Variants in DLC1 observed in about 807,000 individuals in gnomAD.
DLC1 encodes rho GTPase-activating protein 7.
In DLC1, 54 loss-of-function variants were observed where a neutral mutation model predicts 140.3. That is an observed-to-expected ratio of 0.38 (90% confidence interval 0.31 to 0.48). The LOEUF is 0.48. Ranked by LOEUF, DLC1 falls within the 20% of genes least tolerant of loss-of-function variation. DLC1 has a pLI of 0.96. For missense variants in DLC1, 2,536 were observed against 1,907.0 expected, an observed-to-expected ratio of 1.33 and a Z score of -6.14; for synonymous variants, 986 against 728.1, an observed-to-expected ratio of 1.35 and a Z score of -5.70.
intron 1 of DLC1, among the ~76,000 whole-genome samples, chr8:13,587,706 C>G (rs77631817): frequency 6.7e-6 from 1 of 150,044 alleles, no homozygotes; most frequent in African/African-American, 2.4e-5. Flanking sequence ...TTCTGTTTAC[C>G]TGGGAAGTAA....
intron 5 of DLC1, among the ~76,000 whole-genome samples, chr8:13,164,644 C>G (rs1210602990): frequency 1.3e-5 from 2 of 152,126 alleles, no homozygotes; most frequent in Admixed American, 1.3e-4. Flanking sequence ...AACTTCACCC[C>G]TCTGGAGGTA....
At chr8:13,144,452 G>A (rs1295630657) in intron 5 of DLC1, among the ~76,000 whole-genome samples, 2 of 152,120 alleles carry the variant, frequency 1.3e-5, no homozygotes. Context: ...CCGTAATCAC[G>A]TGAGACAATT....
intron 1 of DLC1, among the ~76,000 whole-genome samples, chr8:13,551,075 C>CACACACT (rs71207163): frequency 0.01 from 1,268 of 121,656 alleles, 10 homozygotes; most frequent in African/African-American, 0.018. Context: ...CACACACACA[C>CACACACT]TTTTTTTTTT....
At chr8:13,527,862 C>T (rs1802969174) in intron 1 of DLC1, among the ~76,000 whole-genome samples, 1 of 152,068 alleles carries the variant, frequency 6.6e-6, no homozygotes, top group South Asian at 2.1e-4. Flanking sequence ...ACTAAGCAAA[C>T]TTATATTTTC....
At chr8:13,491,069 A>G (rs1801215000) in intron 2 of DLC1, among the ~76,000 whole-genome samples, 1 of 147,928 alleles carries the variant, frequency 6.8e-6, no homozygotes. Context: ...AGGGCAATTA[A>G]ATCTGAATAT....
In DLC1 at chr8:13,086,263, TATAAAAAAATCAG is replaced by T. The variant is rs1404820845; in HGVS notation, c.4466+14_4466+26del. 6.2e-7 allele frequency: 1 copy of T among 1,602,538 alleles called. No individual in the cohort carries two copies. Among genetic ancestry groups the T allele is most frequent in the East Asian group, 2.2e-5 (1 of 44,686 alleles). ...AGAATTTCCTTCATGACCCTCACCA[TATAAAAAAATCAG>T]AATCAGAACATACCTTAAGTCAACT... On this transcript the variant is annotated intron_variant, in intron 17 of 17. Coordinates refer to ENST00000276297, the MANE Select transcript of DLC1 (RefSeq NM_182643.3).
intron 5 of DLC1, among the ~76,000 whole-genome samples, chr8:13,118,631 C>T (rs147769222): frequency 6.6e-6 from 1 of 152,326 alleles, no homozygotes; most frequent in African/African-American, 2.4e-5. Flanking sequence ...CTCACGCCTA[C>T]ACTTTCCAAT....
At chr8:13,167,099 G>A (rs765843022) in intron 5 of DLC1, among the ~76,000 whole-genome samples, 1 of 152,214 alleles carries the variant, frequency 6.6e-6, no homozygotes, top group Non-Finnish European at 1.5e-5. Flanking sequence ...GCTGAACTAC[G>A]CAACTAGAGG....
intron 4 of DLC1, among the ~76,000 whole-genome samples, chr8:13,367,759 G>A (rs1030581452): frequency 6.6e-6 from 1 of 152,116 alleles, no homozygotes; most frequent in Non-Finnish European, 1.5e-5. Flanking sequence ...GTCAATTTCA[G>A]GATGAATTCT....
chr8:13,564,452 T>C (rs1253242504), intron 1 of DLC1, among the ~76,000 whole-genome samples: 1 of 152,056 alleles, frequency 6.6e-6, no homozygotes, highest in Non-Finnish European at 1.5e-5. Flanking sequence ...ACTTGAGAAG[T>C]TGATGTAAAG....
At chr8:13,506,151 A>T (rs2117228814) in intron 1 of DLC1, among the ~76,000 whole-genome samples, 1 of 152,104 alleles carries the variant, frequency 6.6e-6, no homozygotes, top group East Asian at 1.9e-4. Context: ...CATGTGATAT[A>T]TATATGTGTG....
At chr8:13,440,474 G>C (rs1798457134) in intron 2 of DLC1, among the ~76,000 whole-genome samples, 1 of 151,778 alleles carries the variant, frequency 6.6e-6, no homozygotes, top group South Asian at 2.1e-4. Context: ...GAAATGTCTA[G>C]AAAGAGTGAC....
At chr8:13,358,168 G>T (rs1341238139) in intron 4 of DLC1, among the ~76,000 whole-genome samples, 1 of 152,196 alleles carries the variant, frequency 6.6e-6, no homozygotes, top group Non-Finnish European at 1.5e-5. Flanking sequence ...AAAAAAAATA[G>T]CTGTAAGTCA....
At chr8:13,234,490 A>G (rs1188682222) in intron 5 of DLC1, among the ~76,000 whole-genome samples, 1 of 152,156 alleles carries the variant, frequency 6.6e-6, no homozygotes, top group African/African-American at 2.4e-5. Context: ...TGTTTTGGCT[A>G]TGTAGCTAAT....
intron 4 of DLC1, among the ~76,000 whole-genome samples, chr8:13,322,858 C>CTA (rs33992873): frequency 0.94 from 143,367 of 152,152 alleles, 67,890 homozygotes; most frequent in East Asian, 1. Flanking sequence ...CTTTAATAGA[C>CTA]TGGCAGAAGT....
intron 3 of DLC1, among the ~76,000 whole-genome samples, chr8:13,399,214 G>A (rs561643590): frequency 6.6e-6 from 1 of 152,144 alleles, no homozygotes; most frequent in African/African-American, 2.4e-5. Context: ...TTATTAGGAA[G>A]AACATGCTCT....
chr8:13,346,529 A>G (rs1179372183), intron 4 of DLC1, among the ~76,000 whole-genome samples: 1 of 152,236 alleles, frequency 6.6e-6, no homozygotes, highest in African/African-American at 2.4e-5. Flanking sequence ...CACAAAGTCT[A>G]TTTTAAACCA....
rs115597237 is a variant in DLC1, at chr8:13,236,991, T to C, written c.1348+68278A>G. ...TGAACCTTTTCAGATTACAAATTTC[T>C]CTCTGTGACAGGAGAAGATTGATGT... is the stretch of plus-strand genomic sequence containing the variant. On this transcript the variant is annotated intron_variant, in intron 5 of 17. Coordinates refer to ENST00000276297, the MANE Select transcript of DLC1 (RefSeq NM_182643.3). Among the ~76,000 whole-genome samples the C allele has an allele frequency of 5.7e-3, 865 of 152,162 alleles. 6 individuals carry two copies. The highest frequency in any genetic ancestry group is 0.02 in the African/African-American group (813 of 41,544).
intron 4 of DLC1, among the ~76,000 whole-genome samples, chr8:13,305,835 G>C (rs112474315): frequency 0.053 from 7,990 of 151,530 alleles, 249 homozygotes; most frequent in South Asian, 0.12. Flanking sequence ...AGACCCCATC[G>C]CAAACAAACA....
Sources: gnomAD v4.1 joint callset for allele counts (sites outside exome capture counted in the v4.1 genomes callset) on GRCh38, gnomAD v4.1.1 for gene constraint, MANE v1.5 for transcripts, NCBI Gene and HGNC (gene_info 2026-07-23, HGNC 2026-07-21) for gene names.